PRKN: variants seen among roughly 807,000 people sequenced by gnomAD.
PRKN encodes parkin RBR E3 ubiquitin protein ligase.
In PRKN, 56 loss-of-function variants were observed where a neutral mutation model predicts 59.5. The observed-to-expected ratio is 0.94, with a 90% CI of 0.76 to 1.18. The LOEUF (loss-of-function observed/expected upper bound fraction) is 1.18. Ranked by LOEUF, PRKN falls within the 50% of genes most tolerant of loss-of-function variation. The pLI, the probability that PRKN is intolerant of heterozygous loss-of-function variation, is 0.00. For missense variants in PRKN, 657 were observed against 596.4 expected, an observed-to-expected ratio of 1.10 and a Z score of -1.06; for synonymous variants, 250 against 222.1, an observed-to-expected ratio of 1.13 and a Z score of -1.12.
chr6:162,462,577 C>A (rs1791227026), intron 1 of PRKN, among the ~76,000 whole-genome samples: 1 of 152,090 alleles, frequency 6.6e-6, no homozygotes, highest in Non-Finnish European at 1.5e-5. Flanking sequence ...TGTGAGGCTA[C>A]ATTTTCAGGT....
chr6:161,409,584 T>C lies in PRKN; in HGVS notation c.1084-22707A>G, dbSNP rs1787430967. The stretch of plus-strand genomic sequence containing the variant: ...GCTGGATATTTTTAGATTGCCAGAA[T>C]GTTCAGTGGAATCACATAAGGCCGT... On this transcript the variant is annotated intron_variant, in intron 9 of 11. Transcript: ENST00000366898. The surrounding 1 kb of genome is among the most constrained non-coding windows in gnomAD (Gnocchi z 4.6). Among the ~76,000 whole-genome samples, 1 of 152,180 alleles carries C rather than the reference T, an allele frequency of 6.6e-6. No homozygotes were observed. The highest frequency in any genetic ancestry group is 1.5e-5 in the Non-Finnish European group (1 of 68,038).
chr6:162,694,630 T>C (rs1430094552), intron 1 of PRKN: 1 of 152,190 alleles, frequency 6.6e-6, no homozygotes, highest in Non-Finnish European at 1.5e-5. Context: ...TACTTGAAAA[T>C]TGTATAAAAC....
chr6:161,610,492 T>TACACACACACACACAC (rs370179659), intron 7 of PRKN, among the ~76,000 whole-genome samples: 19 of 139,858 alleles, frequency 1.4e-4, no homozygotes, highest in African/African-American at 4.5e-4. Flanking sequence ...ATATTAATAA[T>TACACACACACACACAC]ACACACACAC....
intron 6 of PRKN, among the ~76,000 whole-genome samples, chr6:161,898,793 C>A (rs1310523862): frequency 3.9e-5 from 6 of 152,142 alleles, no homozygotes; most frequent in Admixed American, 6.6e-5. Context: ...GCTGCAACAG[C>A]TTTAATTTTA....
intron 2 of PRKN, among the ~76,000 whole-genome samples, chr6:162,421,734 CAAGT>C (rs1788977405): frequency 6.6e-6 from 1 of 152,044 alleles, no homozygotes; most frequent in Non-Finnish European, 1.5e-5. Flanking sequence ...CAAGGAGAAT[CAAGT>C]AAGTAAGGCA....
intron 10 of PRKN, among the ~76,000 whole-genome samples, chr6:161,374,180 G>C (rs1198860017): frequency 6.6e-6 from 1 of 152,018 alleles, no homozygotes; most frequent in African/African-American, 2.4e-5. Context: ...TATGTGAGTG[G>C]CGAGTGTGTG....
intron 2 of PRKN, among the ~76,000 whole-genome samples, chr6:162,276,663 A>G (rs1448368318): frequency 1.3e-5 from 2 of 151,004 alleles, no homozygotes; most frequent in Non-Finnish European, 2.9e-5. Flanking sequence ...TTGTTTTTAG[A>G]TTTCTGCTTT....
chr6:161,636,357 C>G (rs559362576), intron 7 of PRKN, among the ~76,000 whole-genome samples: 1 of 152,354 alleles, frequency 6.6e-6, no homozygotes, highest in South Asian at 2.1e-4. Context: ...GGGCAAGGCT[C>G]TCCCTGCCAC....
intron 6 of PRKN, among the ~76,000 whole-genome samples, chr6:161,902,832 C>T (rs930356316): frequency 6.6e-6 from 1 of 152,158 alleles, no homozygotes; most frequent in African/African-American, 2.4e-5. Context: ...GCTGGGATTA[C>T]AGGCGTGAGC....
chr6:161,586,638 AATAT>A (rs1322268549), intron 7 of PRKN, among the ~76,000 whole-genome samples: 1 of 152,234 alleles, frequency 6.6e-6, no homozygotes, highest in African/African-American at 2.4e-5. Flanking sequence ...CCATGGGTAG[AATAT>A]CCTTGCATTC....
intron 7 of PRKN, among the ~76,000 whole-genome samples, chr6:161,676,420 GCT>G (rs1415981406): frequency 1.3e-5 from 2 of 152,184 alleles, no homozygotes; most frequent in Admixed American, 1.3e-4. Flanking sequence ...CAGCAAACTG[GCT>G]CTGATCTAAG....
chr6:162,625,619 C>T (rs1161553083), intron 1 of PRKN, among the ~76,000 whole-genome samples: 1 of 152,024 alleles, frequency 6.6e-6, no homozygotes, highest in Non-Finnish European at 1.5e-5. Flanking sequence ...CCCTTATTGT[C>T]TTTCTCCACA....
chr6:161,680,742 TA>T (rs1785291809), intron 7 of PRKN, among the ~76,000 whole-genome samples: 18 of 6,380 alleles, frequency 2.8e-3, no homozygotes, highest in African/African-American at 5.1e-3. Flanking sequence ...TATATATATA[TA>T]TATATATATA....
chr6:161,785,713 T>C, intron 7 of PRKN, 59 bp downstream of exon 7: 1 of 1,555,538 alleles, frequency 6.4e-7, no homozygotes, highest in Non-Finnish European at 8.8e-7. Flanking sequence ...TTTACATCAA[T>C]AATTGTTCTT....
At chr6:161,553,430 T>C (rs1366381162) in intron 8 of PRKN, among the ~76,000 whole-genome samples, 1 of 152,002 alleles carries the variant, frequency 6.6e-6, no homozygotes, top group Non-Finnish European at 1.5e-5. Flanking sequence ...TCCCTCCCTC[T>C]ATCTCTCTGT....
chr6:161,487,064 T>C lies in PRKN; in HGVS notation c.1083+61790A>G, dbSNP rs1037689993. 1.3e-5 allele frequency among the ~76,000 whole-genome samples: 2 copies of C among 151,912 alleles called. No homozygotes were observed. The highest frequency in any genetic ancestry group is 2.9e-5 in the Non-Finnish European group (2 of 68,008). ...AGTTTAGTGAATAGGTGCCACGGAG[T>C]GAGACGGGGAAAGATGGGTGTCCTG... On this transcript the variant is annotated intron_variant, in intron 9 of 11. Transcript: ENST00000366898. This position sits in a 1 kb window ranked among gnomAD's most constrained non-coding sequence, Gnocchi z 5.3.
intron 6 of PRKN, among the ~76,000 whole-genome samples, chr6:161,877,063 G>A (rs187413851): frequency 3.3e-5 from 5 of 152,204 alleles, no homozygotes; most frequent in East Asian, 1.9e-4. Flanking sequence ...CACAATGGAC[G>A]CAAATGATTC....
In PRKN at chr6:161,349,853, G is replaced by T; in HGVS notation, c.*246C>A. 1 of 573,890 alleles carries T rather than the reference G, an allele frequency of 1.7e-6. No individual in the cohort carries two copies. The highest frequency in any genetic ancestry group is 3.2e-6 in the Non-Finnish European group (1 of 315,106). The allele number at this position is 573,890 out of a possible 1,614,324, so 35.5% of individuals were successfully genotyped here. On this transcript the variant is annotated 3_prime_UTR_variant, in exon 12 of 12. Transcript: ENST00000366898. The surrounding 1 kb of genome is among the most constrained non-coding windows in gnomAD (Gnocchi z 5.5). The stretch of plus-strand genomic sequence containing the variant: ...CGCAGATGGCTCTGCTGTCTTGTGT[G>T]GACAAACTGAAAGGGATTCAGGAGC...
intron 2 of PRKN, among the ~76,000 whole-genome samples, chr6:162,439,817 A>C (rs185374816): frequency 6.7e-6 from 1 of 149,584 alleles, no homozygotes; most frequent in East Asian, 1.9e-4. Context: ...TAGTTTTTTT[A>C]TTATAAGCAT....
Sources: gnomAD v4.1 joint callset for allele counts (sites outside exome capture counted in the v4.1 genomes callset) on GRCh38, gnomAD v4.1.1 for gene constraint, Gnocchi (gnomAD v3.1) non-coding constraint, MANE v1.5 for transcripts, NCBI Gene and HGNC (gene_info 2026-07-23, HGNC 2026-07-21) for gene names.